The following RAD51B variants were observed in gnomAD, a reference collection of about 807,000 sequenced individuals.
RAD51B encodes the protein RAD51 paralog B.
Under a neutral mutation model 42.2 loss-of-function variants are expected in RAD51B, and 38 were observed. That is an observed-to-expected ratio of 0.90 (90% CI 0.70 to 1.18). RAD51B has a LOEUF of 1.18. RAD51B is among the 50% of genes most tolerant of loss of function. The probability of loss-of-function intolerance (pLI) is 0.00; values close to 1 mark genes in which losing one functional copy is unlikely to be tolerated. For synonymous variants in RAD51B, 154 were observed against 145.2 expected, an observed-to-expected ratio of 1.06 and a Z score of -0.43; for missense variants, 373 against 400.7, an observed-to-expected ratio of 0.93 and a Z score of 0.59.
At chr14:68,242,019 T>TA (rs1446292683) in intron 7 of RAD51B, among the ~76,000 whole-genome samples, 1 of 152,236 alleles carries the variant, frequency 6.6e-6, no homozygotes, top group African/African-American at 2.4e-5. Context: ...TCAGCCTGGC[T>TA]ATACCTCAGC....
chr14:68,458,036 T>C (rs1418559379), intron 9 of RAD51B, among the ~76,000 whole-genome samples: 1 of 150,924 alleles, frequency 6.6e-6, no homozygotes, highest in Admixed American at 6.6e-5. Context: ...CATGCTAAAG[T>C]AGTTAGAGAA....
intron 10 of RAD51B, among the ~76,000 whole-genome samples, chr14:68,529,791 G>C (rs1379896120): frequency 1.3e-5 from 2 of 152,128 alleles, no homozygotes; most frequent in Non-Finnish European, 2.9e-5. Context: ...ATCTAATCTT[G>C]TCCAAAAGAA....
At chr14:68,557,571 T>G (rs961538136) in intron 10 of RAD51B, among the ~76,000 whole-genome samples, 2 of 152,246 alleles carry the variant, frequency 1.3e-5, no homozygotes, top group African/African-American at 2.4e-5. Context: ...GCTGTGCACA[T>G]GGAGCCCCTA....
intron 7 of RAD51B, among the ~76,000 whole-genome samples, chr14:68,123,304 C>G (rs1204444575): frequency 6.6e-6 from 1 of 151,334 alleles, no homozygotes; most frequent in African/African-American, 2.4e-5. Flanking sequence ...CCTCCCACCT[C>G]AGCCTCCTGA....
chr14:67,883,824 G>T (rs900827558), intron 5 of RAD51B, among the ~76,000 whole-genome samples: 1 of 152,090 alleles, frequency 6.6e-6, no homozygotes, highest in African/African-American at 2.4e-5. Context: ...TCAGCACCCA[G>T]AACAGTGCCT....
At chr14:68,492,132 C>T (rs1231824025) in intron 10 of RAD51B, among the ~76,000 whole-genome samples, 4 of 152,174 alleles carry the variant, frequency 2.6e-5, no homozygotes, top group Non-Finnish European at 4.4e-5. Context: ...TCCCTCACCT[C>T]CTTTCCTCAC....
At chr14:68,495,348 T>C (rs1166623623) in intron 10 of RAD51B, among the ~76,000 whole-genome samples, 2 of 151,936 alleles carry the variant, frequency 1.3e-5, no homozygotes, top group Non-Finnish European at 2.9e-5. Context: ...CGAGAGAGGA[T>C]TCCTCCGAGC....
At chr14:68,084,847 T>G (rs576497341) in intron 7 of RAD51B, among the ~76,000 whole-genome samples, 15 of 152,194 alleles carry the variant, frequency 9.9e-5, no homozygotes, top group African/African-American at 3.6e-4. Context: ...TATGGCAGTA[T>G]GTTAAAAAAA....
intron 10 of RAD51B, among the ~76,000 whole-genome samples, chr14:68,619,369 A>AGGAGAATGGCGTGAACCT: frequency 1.3e-5 from 2 of 151,876 alleles, no homozygotes; most frequent in South Asian, 4.2e-4. Context: ...AGGCTGAGGC[A>AGGAGAATGGCGTGAACCT]GGAGAATGGC....
rs764949620 is a variant in RAD51B, at chr14:68,264,804, G to T, written c.757-27080G>T. Among the ~76,000 whole-genome samples the T allele has an allele frequency of 2.5e-3, 378 of 152,124 alleles. 3 individuals are homozygous for T. The highest frequency in any genetic ancestry group is 4.1e-3 in the Non-Finnish European group (278 of 67,984). ...AAAGTGGATGGCAGAGAGAGAGAGG[G>T]GTCAGCACTGTGTTTAATTTCCTTC... On this transcript the variant is annotated intron_variant, in intron 7 of 10. Coordinates refer to ENST00000471583, the MANE Select transcript of RAD51B (RefSeq NM_133510.4).
intron 7 of RAD51B, among the ~76,000 whole-genome samples, chr14:68,281,934 A>G (rs927693629): frequency 1.3e-5 from 2 of 151,282 alleles, no homozygotes; most frequent in Non-Finnish European, 2.9e-5. Context: ...ATCTGGCAGT[A>G]GGGCTTGTGC....
intron 8 of RAD51B, among the ~76,000 whole-genome samples, chr14:68,303,594 T>A (rs190644783): frequency 6.6e-6 from 1 of 152,314 alleles, no homozygotes; most frequent in East Asian, 1.9e-4. Flanking sequence ...GATTTTGATC[T>A]CTTTGAGGCA....
intron 7 of RAD51B, among the ~76,000 whole-genome samples, chr14:68,133,582 C>T (rs566187739): frequency 6.6e-6 from 1 of 152,302 alleles, no homozygotes; most frequent in South Asian, 2.1e-4. Flanking sequence ...AGCGATTCTC[C>T]TGCCTCGGCC....
intron 7 of RAD51B, among the ~76,000 whole-genome samples, chr14:68,018,181 G>A (rs2075807798): frequency 6.6e-6 from 1 of 152,120 alleles, no homozygotes; most frequent in African/African-American, 2.4e-5. Flanking sequence ...GTCTCACTTT[G>A]TGAAGGAATT....
chr14:67,874,902 A>G (rs1016817018), intron 5 of RAD51B, among the ~76,000 whole-genome samples: 6 of 152,220 alleles, frequency 3.9e-5, no homozygotes, highest in African/African-American at 1.4e-4. Context: ...TGGGTTAAGA[A>G]TAAAAAATGA....
chr14:68,134,119 T>C (rs2077959888), intron 7 of RAD51B, among the ~76,000 whole-genome samples: 1 of 152,202 alleles, frequency 6.6e-6, no homozygotes, highest in African/African-American at 2.4e-5. Flanking sequence ...CCCCATCTCA[T>C]ATTCCCTAAC....
intron 7 of RAD51B, among the ~76,000 whole-genome samples, chr14:68,073,663 T>C (rs1333228431): frequency 6.6e-6 from 1 of 152,200 alleles, no homozygotes; most frequent in Non-Finnish European, 1.5e-5. Flanking sequence ...TCAGTAATTG[T>C]CCTTCATTTC....
chr14:68,597,361 G>A (rs897249359), downstream of RAD51B, among the ~76,000 whole-genome samples: 3 of 152,156 alleles, frequency 2.0e-5, no homozygotes, highest in African/African-American at 7.2e-5. Flanking sequence ...AGAGAGTAGG[G>A]AAGGAAGGAC....
intron 2 of RAD51B, 117 bp from the exon 3 acceptor site, chr14:67,825,347 G>A (rs998007167): frequency 4.4e-5 from 27 of 608,346 alleles, no homozygotes; most frequent in Non-Finnish European, 6.8e-5. Context: ...ATAAATCTTT[G>A]ATCTGCGATA....
Sources: allele counts gnomAD v4.1 joint callset (sites outside exome capture counted in the v4.1 genomes callset), GRCh38; gene constraint gnomAD v4.1.1; transcripts MANE v1.5; gene names NCBI Gene and HGNC (gene_info 2026-07-23, HGNC 2026-07-21).